FHOD3: variants seen among roughly 807,000 people sequenced by gnomAD.
The protein encoded by FHOD3 is formin homology 2 domain containing 3.
FHOD3 carries 90 observed loss-of-function variants against 173.0 expected under a neutral mutation model. The ratio of observed to expected loss-of-function variants is 0.52; its 90% CI spans 0.44 to 0.62. FHOD3 has a LOEUF of 0.62. Ranked by LOEUF, FHOD3 falls within the 20% of genes least tolerant of loss-of-function variation. The pLI is 0.00. For missense variants in FHOD3, 1,945 were observed against 2,034.7 expected, an observed-to-expected ratio of 0.96 and a Z score of 0.85; for synonymous variants, 828 against 823.0, an observed-to-expected ratio of 1.01 and a Z score of -0.10.
intron 14 of FHOD3, among the ~76,000 whole-genome samples, chr18:36,659,275 G>A (rs2036621745): frequency 6.6e-6 from 1 of 152,170 alleles, no homozygotes; most frequent in Non-Finnish European, 1.5e-5. Flanking sequence ...ATCCTACGGT[G>A]TCAAGCTCTC....
chr18:36,403,061 G>C (rs1345914803), intron 3 of FHOD3, among the ~76,000 whole-genome samples: 1 of 152,214 alleles, frequency 6.6e-6, no homozygotes, highest in Non-Finnish European at 1.5e-5. Flanking sequence ...GGCCATGAGG[G>C]TGCAGGGTGC....
intron 3 of FHOD3, among the ~76,000 whole-genome samples, chr18:36,451,992 C>T (rs572180848): frequency 1.4e-5 from 2 of 139,918 alleles, no homozygotes; most frequent in East Asian, 3.9e-4. Flanking sequence ...CACTTTTGTA[C>T]CCCCTTTGCC....
At chr18:36,340,991 T>C (rs1295088605) in intron 1 of FHOD3, among the ~76,000 whole-genome samples, 2 of 152,162 alleles carry the variant, frequency 1.3e-5, no homozygotes, top group Admixed American at 6.5e-5. Flanking sequence ...GACTTAGTCC[T>C]TTGCCTTCCT....
At chr18:36,762,780 A>G (rs1376141890) in intron 27 of FHOD3, among the ~76,000 whole-genome samples, 3 of 149,780 alleles carry the variant, frequency 2.0e-5, no homozygotes, top group Non-Finnish European at 1.5e-5. Context: ...TGGGCGAAGA[A>G]GCAAGACTCT....
At chr18:36,459,075 C>A (rs571263686) in intron 3 of FHOD3, among the ~76,000 whole-genome samples, 1 of 152,278 alleles carries the variant, frequency 6.6e-6, no homozygotes, top group Non-Finnish European at 1.5e-5. Flanking sequence ...GAAGGCTGTT[C>A]TTTAGTTCTT....
chr18:36,658,110 C>CA lies in FHOD3; in HGVS notation c.1759dup (p.Arg587LysfsTer98). 6.2e-7 allele frequency: 1 copy of CA among 1,605,576 alleles called. No individual in the cohort carries two copies. The highest frequency in any genetic ancestry group is 1.3e-5 in the African/African-American group (1 of 74,192). ...TTTGGCAATAACTCTTATCACTCCTCAAGACCCTCATCTGGATCCAGTGTG... is the reference window on the plus strand; with the variant it reads ...TTTGGCAATAACTCTTATCACTCCTCAAAGACCCTCATCTGGATCCAGTGTG... On this transcript the variant is annotated frameshift_variant, in exon 14 of 29. Transcript: ENST00000590592. LOFTEE classifies it high-confidence loss of function.
intron 3 of FHOD3, among the ~76,000 whole-genome samples, chr18:36,443,034 C>T (rs973947265): frequency 4.6e-5 from 7 of 152,144 alleles, no homozygotes; most frequent in African/African-American, 1.7e-4. Flanking sequence ...GACAAAATGC[C>T]ACAGAATTGT....
chr18:36,377,925 G>T (rs1385907760), intron 3 of FHOD3, among the ~76,000 whole-genome samples: 1 of 152,210 alleles, frequency 6.6e-6, no homozygotes, highest in Non-Finnish European at 1.5e-5. Context: ...TTCTGCTCCT[G>T]TCCTGCCTCT....
intron 15 of FHOD3, among the ~76,000 whole-genome samples, 162 bp from the exon 16 acceptor site, chr18:36,686,966 G>C (rs1413642908): frequency 6.6e-6 from 1 of 152,152 alleles, no homozygotes; most frequent in Non-Finnish European, 1.5e-5. Context: ...TAATTTTGAA[G>C]TACAGGCTTT....
At chr18:36,621,545 ATG>A (rs2033709372) in intron 9 of FHOD3, among the ~76,000 whole-genome samples, 1 of 152,186 alleles carries the variant, frequency 6.6e-6, no homozygotes, top group South Asian at 2.1e-4. Context: ...TGGCTGGGCC[ATG>A]TGTCTTCAAC....
At chr18:36,651,978 C>A (rs1039698421) in intron 11 of FHOD3, among the ~76,000 whole-genome samples, 4 of 152,142 alleles carry the variant, frequency 2.6e-5, no homozygotes, top group Non-Finnish European at 4.4e-5. Flanking sequence ...ATGAAACGGG[C>A]AAAATTTGTC....
chr18:36,309,443 C>T (rs1471333160), intron 1 of FHOD3, among the ~76,000 whole-genome samples: 1 of 152,198 alleles, frequency 6.6e-6, no homozygotes, highest in Non-Finnish European at 1.5e-5. Context: ...CTGCCTTTTG[C>T]CAACCGTGGA....
chr18:36,377,527 A>G (rs1220461240), intron 3 of FHOD3, among the ~76,000 whole-genome samples: 2 of 152,158 alleles, frequency 1.3e-5, no homozygotes, highest in Admixed American at 6.5e-5. Flanking sequence ...GAAGCAGCAA[A>G]TTGTCTTTTT....
At chr18:36,469,957 G>T (rs762457385) in intron 3 of FHOD3, among the ~76,000 whole-genome samples, 1 of 152,236 alleles carries the variant, frequency 6.6e-6, no homozygotes, top group Non-Finnish European at 1.5e-5. Flanking sequence ...GAATGCATAT[G>T]TGTGGGAAGG....
At chr18:36,742,696 A>T in intron 21 of FHOD3, 41 bp from the exon 22 acceptor site, 1 of 1,591,148 alleles carries the variant, frequency 6.3e-7, no homozygotes, top group African/African-American at 1.4e-5. Context: ...GTAAACCCAA[A>T]TTGTACACTC....
chr18:36,755,311 T>C lies in FHOD3; in HGVS notation c.4425T>C (p.Asp1475=), dbSNP rs1477341258. The C allele has an allele frequency of 1.9e-6, 3 of 1,560,996 alleles. No individual in the cohort carries two copies. The highest frequency in any genetic ancestry group is 2.6e-6 in the Non-Finnish European group (3 of 1,149,294). The change falls in exon 25 of 29, where the codon GAT becomes GAC. Residue 1475 remains aspartate (D), a splice_region_variant and synonymous_variant. Transcript: ENST00000590592. ...RNKTRGKMIT[D]TDEEEEVESG... ...AGACCAGAGGGAAGATGATCACCGA[T>C]GTAAGTTTCACACAATCCCTCTCCT...
chr18:36,759,272 G>T, intron 26 of FHOD3, 131 bp downstream of exon 26: 1 of 1,060,176 alleles, frequency 9.4e-7, no homozygotes, highest in Non-Finnish European at 1.4e-6. Flanking sequence ...CATTTTTCTG[G>T]TTGGTTTTCG....
chr18:36,662,955 T>C (rs1214045935), intron 14 of FHOD3, among the ~76,000 whole-genome samples: 1 of 152,216 alleles, frequency 6.6e-6, no homozygotes, highest in Non-Finnish European at 1.5e-5. Context: ...TTGAGTTGTT[T>C]TTTCTCATTG....
chr18:36,430,110 A>G (rs1448133422), intron 3 of FHOD3, among the ~76,000 whole-genome samples: 1 of 152,240 alleles, frequency 6.6e-6, no homozygotes, highest in Non-Finnish European at 1.5e-5. Context: ...TTGAAAGAGA[A>G]CAAAGATATA....
Sources: gnomAD v4.1 joint callset for allele counts (sites outside exome capture counted in the v4.1 genomes callset) on GRCh38, gnomAD v4.1.1 for gene constraint, MANE v1.5 for transcripts, NCBI Gene and HGNC (gene_info 2026-07-23, HGNC 2026-07-21) for gene names.